Variants in UTRN observed in about 807,000 individuals in gnomAD.
UTRN encodes utrophin, also known as dystrophin-related protein 1.
A neutral mutation model predicts 463.9 loss-of-function variants in UTRN; 283 were observed. That is an observed-to-expected ratio of 0.61 (90% CI 0.55 to 0.67). The LOEUF (loss-of-function observed/expected upper bound fraction) is 0.67. Among genes scored for constraint, UTRN ranks in the 30% least tolerant of loss-of-function variants. The pLI is 0.00. For missense variants in UTRN, 3,922 were observed against 4,084.3 expected (o/e 0.96, Z 1.08); for synonymous variants, 1,442 against 1,431.5 (o/e 1.01, Z -0.17).
At chr6:144,743,913 G>A (rs4446580) in intron 54 of UTRN, among the ~76,000 whole-genome samples, 66,431 of 151,244 alleles carry the variant, frequency 0.44, 18,764 homozygotes, top group East Asian at 0.87. Context: ...ATAAATTGGT[G>A]TTTAAAAATT....
intron 1 of UTRN, among the ~76,000 whole-genome samples, chr6:144,290,709 G>T (rs73593315): frequency 0.03 from 4,464 of 147,918 alleles, 210 homozygotes; most frequent in African/African-American, 0.1. Context: ...GTCTTCACTG[G>T]TTCCCCACAT....
At chr6:144,737,213 C>T (rs1789517583) in intron 54 of UTRN, among the ~76,000 whole-genome samples, 1 of 152,084 alleles carries the variant, frequency 6.6e-6, no homozygotes, top group South Asian at 2.1e-4. Context: ...CATGGGAAAG[C>T]CACTGAAGTA....
chr6:144,752,527 A>G lies in UTRN; in HGVS notation c.8355+575A>G, dbSNP rs562295044. On this transcript the variant is annotated intron_variant, in intron 56 of 74. Coordinates refer to ENST00000367545, the MANE Select transcript of UTRN (RefSeq NM_007124.3). ...ATTTGAGAGATATATTTTATCTATA[A>G]TAGGTTTGCTGAATTAATTCAAATA... Among the ~76,000 whole-genome samples the G allele has an allele frequency of 3.3e-5, 5 of 152,288 alleles. No individual in the cohort carries two copies. In the South Asian group the frequency reaches 8.3e-4, roughly 25 times the overall value.
Position 144,852,975 on chromosome 6 carries a change from A to G in UTRN, c.*1978A>G, listed in dbSNP as rs1284574515. ...TGTGGTAAAGAACTAATCACAGACT[A>G]TCATCTAATCTGGTTACATATTGTA... On this transcript the variant is annotated 3_prime_UTR_variant, in exon 75 of 75. Transcript: ENST00000367545. 1 of 152,386 alleles carries G rather than the reference A, an allele frequency of 6.6e-6. No homozygotes were observed. Among genetic ancestry groups the G allele is most frequent in the Non-Finnish European group, 1.5e-5 (1 of 68,032 alleles). 9.4% of individuals were successfully genotyped at this position (152,386 alleles called of 1,614,324 possible).
Position 144,381,206 on chromosome 6 carries a change from T to C in UTRN, c.80-21917T>C, listed in dbSNP as rs543057208. ...ACCCTCCAATAGACCCCAGTGTATATTGTTCCCTGCTATATATCCATGTGT... is the reference window on the plus strand; with the variant it reads ...ACCCTCCAATAGACCCCAGTGTATACTGTTCCCTGCTATATATCCATGTGT... On this transcript the variant is annotated intron_variant, in intron 2 of 74. Coordinates refer to ENST00000367545, the MANE Select transcript of UTRN (RefSeq NM_007124.3). Among the ~76,000 whole-genome samples the C allele has an allele frequency of 3.1e-4, 47 of 152,268 alleles. No homozygotes were observed. The South Asian group carries it at 9.3e-3, about 30-fold the overall frequency.
In UTRN at chr6:144,436,959, AT is replaced by A. The variant is rs202190574; in HGVS notation, c.1060-593del. Among the ~76,000 whole-genome samples, 1,389 of 140,626 alleles carry A rather than the reference AT, an allele frequency of 9.9e-3. 18 individuals are homozygous for A. The highest frequency in any genetic ancestry group is 0.032 in the African/African-American group (1,249 of 38,440). 92.3% of individuals were successfully genotyped at this position (140,626 alleles called of 152,430 possible). On this transcript the variant is annotated intron_variant, in intron 10 of 74. Coordinates refer to ENST00000367545, the MANE Select transcript of UTRN (RefSeq NM_007124.3). The stretch of plus-strand genomic sequence containing the variant: ...GTGTGTGTATATATATATATTTATA[AT>A]TTTTTTTTTTTTAACAGAGTCTTAC...
Position 144,493,429 on chromosome 6 carries a change from G to A in UTRN, c.4566G>A (p.Lys1522=), listed in dbSNP as rs1308040240. ...TGGATGAGCAGCTGACTTCCCTGAA[G>A]GTTCTTTACAATGACCTGGGCGCAC... The part of the protein sequence containing the change: ...KGMDEQLTSL[K]VLYNDLGAQV... Residue 1522 remains lysine, a synonymous_variant, in exon 33 of 75, where the codon AAG becomes AAA. Coordinates refer to ENST00000367545, the MANE Select transcript of UTRN (RefSeq NM_007124.3). 2.5e-6 allele frequency: 4 copies of A among 1,613,808 alleles called. No homozygotes were observed. The highest frequency in any genetic ancestry group is 3.4e-6 in the Non-Finnish European group (4 of 1,179,890).
At chr6:144,495,243 A>AG (rs1793501268) in intron 33 of UTRN, among the ~76,000 whole-genome samples, 1 of 151,670 alleles carries the variant, frequency 6.6e-6, no homozygotes, top group African/African-American at 2.4e-5. Context: ...GAGCCCATGG[A>AG]GGGGGTGGGA....
chr6:144,720,671 G>A (rs1787041956), intron 53 of UTRN, among the ~76,000 whole-genome samples: 1 of 152,180 alleles, frequency 6.6e-6, no homozygotes, highest in Non-Finnish European at 1.5e-5. Context: ...TACCTTCAAT[G>A]TGTTTATTCT....
rs549593851 is a variant in UTRN at position 144,290,631 on chromosome 6, T to C, written c.-92-1106T>C. 2.6e-5 allele frequency among the ~76,000 whole-genome samples: 4 copies of C among 152,258 alleles called. No individual in the cohort carries two copies. The South Asian group carries it at 8.3e-4, about 32-fold the overall frequency. On this transcript the variant is annotated intron_variant, in intron 1 of 74. Transcript: ENST00000367545. ...AGACATACAGAAGAGTTGCAAGAAA[T>C]TTTCATTCAGCATTCATATACCCAT...
intron 2 of UTRN, among the ~76,000 whole-genome samples, chr6:144,348,406 T>C (rs2114650023): frequency 6.6e-6 from 1 of 152,248 alleles, no homozygotes; most frequent in East Asian, 1.9e-4. Flanking sequence ...ATGTTAGGGA[T>C]TGCCAGACCC....
chr6:144,702,964 A>G (rs1784739822), intron 53 of UTRN, among the ~76,000 whole-genome samples: 1 of 152,240 alleles, frequency 6.6e-6, no homozygotes, highest in African/African-American at 2.4e-5. Context: ...GTAGGTATCT[A>G]TAGTGCTGTG....
intron 2 of UTRN, among the ~76,000 whole-genome samples, chr6:144,353,316 G>A (rs761270481): frequency 2.6e-5 from 4 of 151,892 alleles, no homozygotes; most frequent in Non-Finnish European, 5.9e-5. Flanking sequence ...GGGTTTCACC[G>A]TGTTAGCCAG....
At chr6:144,691,089 A>G (rs1249619770) in intron 52 of UTRN, among the ~76,000 whole-genome samples, 1 of 152,198 alleles carries the variant, frequency 6.6e-6, no homozygotes, top group Non-Finnish European at 1.5e-5. Flanking sequence ...TATTCAGTTT[A>G]TATGCTAGAT....
intron 51 of UTRN, among the ~76,000 whole-genome samples, chr6:144,608,450 T>G (rs1057473189): frequency 1.3e-5 from 2 of 152,134 alleles, no homozygotes; most frequent in African/African-American, 2.4e-5. Context: ...CTAACAACTA[T>G]CATCAGGCAA....
intron 54 of UTRN, among the ~76,000 whole-genome samples, chr6:144,746,823 C>T (rs1215708978): frequency 4.6e-5 from 7 of 152,166 alleles, no homozygotes; most frequent in African/African-American, 1.7e-4. Flanking sequence ...GTATATTCAG[C>T]CTATCTACCA....
chr6:144,390,016 A>G lies in UTRN; in HGVS notation c.80-13107A>G, dbSNP rs866756952. Among the ~76,000 whole-genome samples, 4 of 152,224 alleles carry G rather than the reference A, an allele frequency of 2.6e-5. No homozygotes were observed. In the South Asian group the frequency reaches 8.3e-4, roughly 32 times the overall value. ...CAGGAGGAATAACTTCAAGAGATCT[A>G]TTGTACAAGGTGATGATTATAGTTA... On this transcript the variant is annotated intron_variant, in intron 2 of 74. Transcript: ENST00000367545.
intron 50 of UTRN, among the ~76,000 whole-genome samples, chr6:144,558,351 A>T (rs371303585): frequency 1.2e-4 from 18 of 152,322 alleles, no homozygotes; most frequent in South Asian, 4.1e-4. Flanking sequence ...ACAAAACTTC[A>T]CAAGTGGTTA....
chr6:144,818,530 C>CTT (rs1260524765), intron 65 of UTRN, among the ~76,000 whole-genome samples: 1 of 152,150 alleles, frequency 6.6e-6, no homozygotes, highest in African/African-American at 2.4e-5. Flanking sequence ...GAGATCAAAA[C>CTT]TTTTACATTG....
Sources: allele counts gnomAD v4.1 joint callset (sites outside exome capture counted in the v4.1 genomes callset), GRCh38; gene constraint gnomAD v4.1.1; transcripts MANE v1.5; gene names NCBI Gene and HGNC (gene_info 2026-07-23, HGNC 2026-07-21).